The following CTNS variants were observed in gnomAD, a reference collection of about 807,000 sequenced individuals.
CTNS encodes the protein cystinosin, lysosomal cystine transporter.
CTNS carries 27 observed loss-of-function variants against 43.7 expected under a neutral mutation model. The ratio of observed to expected loss-of-function variants is 0.62; its 90% CI spans 0.46 to 0.85. The LOEUF (loss-of-function observed/expected upper bound fraction) is 0.85, where lower values mean the gene tolerates loss of function less well. Among genes scored for constraint, CTNS ranks in the 40% least tolerant of loss-of-function variants. The pLI, the probability that CTNS is intolerant of heterozygous loss-of-function variation, is 0.00. For synonymous variants in CTNS, 187 were observed against 190.6 expected (o/e 0.98, Z 0.16); for missense variants, 457 against 475.4 (o/e 0.96, Z 0.36).
intron 5 of CTNS, among the ~76,000 whole-genome samples, chr17:3,652,533 A>G (rs1216384553): frequency 6.6e-6 from 1 of 152,140 alleles, no homozygotes; most frequent in Non-Finnish European, 1.5e-5. Context: ...CAGAGGTTGC[A>G]GCGAGCCGAA....
intron 2 of CTNS, among the ~76,000 whole-genome samples, chr17:3,637,877 TA>T (rs59279689): frequency 0.1 from 15,256 of 152,196 alleles, 2,553 homozygotes; most frequent in African/African-American, 0.35. Flanking sequence ...GTCGCATAAG[TA>T]ATAAATAGGT....
At chr17:3,659,342 C>T (rs74629205) in intron 10 of CTNS, among the ~76,000 whole-genome samples, 1 of 152,182 alleles carries the variant, frequency 6.6e-6, no homozygotes, top group African/African-American at 2.4e-5. Context: ...CTGTGGGGGG[C>T]GTTAACCCCG....
chr17:3,652,319 C>T (rs907088610), intron 5 of CTNS, among the ~76,000 whole-genome samples: 11 of 152,226 alleles, frequency 7.2e-5, no homozygotes, highest in African/African-American at 1.7e-4. Context: ...TGACTGGGCA[C>T]GGTGGCTCAT....
In CTNS at chr17:3,658,064, C is replaced by T. The variant is rs751640640; in HGVS notation, c.741C>T (p.Phe247=). The T allele has an allele frequency of 6.2e-6, 10 of 1,612,044 alleles. No individual in the cohort carries two copies. The highest frequency in any genetic ancestry group is 1.7e-5 in the Admixed American group (1 of 60,016). Residue 247 remains phenylalanine, a synonymous_variant, in exon 10 of 12, where the codon TTC becomes TTT. Coordinates refer to ENST00000046640, the MANE Select transcript of CTNS (RefSeq NM_004937.3). ...AIGFLVLAWL[F]AFVTMIVAAV... is the part of the protein sequence containing the mutation. ...GCTTCCTGGTGCTCGCGTGGCTCTTCGCATTTGTCACCATGATCGTGGCTG... is the reference window on the plus strand; with the variant it reads ...GCTTCCTGGTGCTCGCGTGGCTCTTTGCATTTGTCACCATGATCGTGGCTG...
At chr17:3,650,086 C>A in intron 5 of CTNS, 1 of 1,477,080 alleles carries the variant, frequency 6.8e-7, no homozygotes, top group South Asian at 1.3e-5. Flanking sequence ...TTGATTTAGT[C>A]ATTTCACAAT....
chr17:3,661,216 C>G lies in CTNS; in HGVS notation c.*847C>G, dbSNP rs146131305. On this transcript the variant is annotated 3_prime_UTR_variant, in exon 12 of 12. Coordinates refer to ENST00000046640, the MANE Select transcript of CTNS (RefSeq NM_004937.3). ...TTAGAGGTCTGTTAGGCCTGCCAAACGGCGACCAGCTCCCCTGGAGCGAGG... is the reference window on the plus strand; with the variant it reads ...TTAGAGGTCTGTTAGGCCTGCCAAAGGGCGACCAGCTCCCCTGGAGCGAGG... 4 of 204,338 alleles carry G rather than the reference C, an allele frequency of 2.0e-5. No individual in the cohort carries two copies. The highest frequency in any genetic ancestry group is 4.1e-5 in the Non-Finnish European group (4 of 98,446). The allele number at this position is 204,338 out of a possible 1,614,324, so 12.7% of individuals were successfully genotyped here.
At chr17:3,654,966 G>T (rs772179161) in intron 5 of CTNS, 32 bp from the exon 6 acceptor site, 1 of 1,498,934 alleles carries the variant, frequency 6.7e-7, no homozygotes. Context: ...AACTGTACGT[G>T]GCATCGGATT....
chr17:3,649,415 A>G (rs1295563668), intron 5 of CTNS, among the ~76,000 whole-genome samples: 5 of 150,226 alleles, frequency 3.3e-5, no homozygotes, highest in Admixed American at 2.7e-4. Context: ...TGGCCCCACT[A>G]CACTCCAGCC....
chr17:3,639,197 A>G (rs1480194023), intron 2 of CTNS, among the ~76,000 whole-genome samples: 2 of 152,152 alleles, frequency 1.3e-5, no homozygotes, highest in Non-Finnish European at 2.9e-5. Flanking sequence ...AGACCAAGCT[A>G]CAGAAATCCA....
chr17:3,648,933 T>C lies in CTNS; in HGVS notation c.225+2T>C. ...ACTATCCTTGAGCTCCCCGATGAAG[T>C]AAGTAACCAATCTTAACGGATGGGT... On this transcript the variant is annotated splice_donor_variant, in intron 5 of 11. Coordinates refer to ENST00000046640, the MANE Select transcript of CTNS (RefSeq NM_004937.3). LOFTEE classifies it high-confidence loss of function. 1.9e-6 allele frequency: 3 copies of C among 1,566,956 alleles called. No homozygotes were observed. The African/African-American group carries it at 4.1e-5, about 21-fold the overall frequency.
At position 3,646,532 on chromosome 17, in the gene CTNS, C is replaced by G. The variant is rs146088264; in HGVS notation, c.62-912C>G. On this transcript the variant is annotated intron_variant, in intron 3 of 11. Transcript: ENST00000046640. Reference sequence around the variant, plus strand: ...TTGATCCTCTGACCTCGTGATCCACCTGCCTCGGCCTCCCAAAAGGCTGGG... The same window carrying G: ...TTGATCCTCTGACCTCGTGATCCACGTGCCTCGGCCTCCCAAAAGGCTGGG... Among the ~76,000 whole-genome samples, 295 of 152,282 alleles carry G rather than the reference C, an allele frequency of 1.9e-3. 10 individuals are homozygous for G. In the East Asian group the frequency reaches 0.049, roughly 25 times the overall value.
chr17:3,636,470 T>G, upstream of CTNS: 1 of 467,326 alleles, frequency 2.1e-6, no homozygotes, highest in African/African-American at 2.1e-5. Context: ...CGGGCTCTGA[T>G]TTCCGCCCAA....
intron 3 of CTNS, among the ~76,000 whole-genome samples, chr17:3,645,820 A>G (rs1485365242): frequency 6.7e-6 from 1 of 150,164 alleles, no homozygotes; most frequent in Non-Finnish European, 1.5e-5. Context: ...AGATCATGCC[A>G]CTGCACTCCA....
chr17:3,650,336 G>T (rs780942276), intron 5 of CTNS: 2 of 1,547,740 alleles, frequency 1.3e-6, no homozygotes, highest in East Asian at 4.9e-5. Flanking sequence ...ATATAGCATC[G>T]CTGGCTGCAG....
At position 3,659,853 on chromosome 17, in the gene CTNS, C is replaced by T. The variant is rs979289719; in HGVS notation, c.853-5C>T. ...TCCGTCTGTCTGTCCGTCTGTCTGG[C>T]CCAGGCCTACATGAACTTTTACTAC... On this transcript the variant is annotated splice_region_variant and splice_polypyrimidine_tract_variant and intron_variant, in intron 10 of 11. Coordinates refer to ENST00000046640, the MANE Select transcript of CTNS (RefSeq NM_004937.3). The T allele has an allele frequency of 5.6e-6, 9 of 1,609,998 alleles. No homozygotes were observed. The African/African-American group carries it at 1.2e-4, about 22-fold the overall frequency.
At chr17:3,643,302 A>C (rs1275630716) in intron 3 of CTNS, among the ~76,000 whole-genome samples, 1 of 151,970 alleles carries the variant, frequency 6.6e-6, no homozygotes, top group Admixed American at 6.6e-5. Context: ...CGACAGAGCA[A>C]GACTCTGTCT....
In CTNS at chr17:3,660,864, G is replaced by A. The variant is rs1447297188; in HGVS notation, c.*495G>A. Reference sequence around the variant, plus strand: ...GGCTAGGACTTTGGGGTTAGGCCATGGGGCTCTTTCTCTGAAGGCCACTTT... The same window carrying A: ...GGCTAGGACTTTGGGGTTAGGCCATAGGGCTCTTTCTCTGAAGGCCACTTT... On this transcript the variant is annotated 3_prime_UTR_variant, in exon 12 of 12. Coordinates refer to ENST00000046640, the MANE Select transcript of CTNS (RefSeq NM_004937.3). 1 of 1,420,426 alleles carries A rather than the reference G, an allele frequency of 7.0e-7. No individual in the cohort carries two copies. Among genetic ancestry groups the A allele is most frequent in the Non-Finnish European group, 9.6e-7 (1 of 1,038,318 alleles). The allele number at this position is 1,420,426 out of a possible 1,614,324, so 88.0% of individuals were successfully genotyped here. A position where few individuals can be genotyped will look rare whatever the true frequency, so the allele number is the denominator to read the frequency against.
intron 10 of CTNS, among the ~76,000 whole-genome samples, chr17:3,659,463 A>G (rs2076235006): frequency 6.6e-6 from 1 of 152,244 alleles, no homozygotes; most frequent in South Asian, 2.1e-4. Flanking sequence ...ACCAGTCCCT[A>G]AGCACATGAA....
At chr17:3,642,256 C>A (rs2075738897) in intron 3 of CTNS, among the ~76,000 whole-genome samples, 1 of 151,940 alleles carries the variant, frequency 6.6e-6, no homozygotes, top group Non-Finnish European at 1.5e-5. Flanking sequence ...TACCACCACT[C>A]CAGTTACCTG....
Sources: allele counts gnomAD v4.1 joint callset (sites outside exome capture counted in the v4.1 genomes callset), GRCh38; gene constraint gnomAD v4.1.1; transcripts MANE v1.5; gene names NCBI Gene and HGNC (gene_info 2026-07-23, HGNC 2026-07-21).